The following XAGE2 variants were observed in gnomAD, a reference collection of about 807,000 sequenced individuals.
The protein encoded by XAGE2 is G antigen family D member 3.
Under a neutral mutation model 9.9 loss-of-function variants are expected in XAGE2, and 7 were observed. The observed-to-expected ratio is 0.71, with a 90% CI of 0.40 to 1.32. XAGE2 has a LOEUF of 1.32. Among genes scored for constraint, XAGE2 ranks in the 40% most tolerant of loss-of-function variants. The pLI is 0.01. For missense variants in XAGE2, 85 were observed against 81.0 expected (o/e 1.05, Z -0.19); for synonymous variants, 31 against 26.8 (o/e 1.16, Z -0.48).
intron 2 of XAGE2, 49 bp from the exon 3 acceptor site, chrX:52,370,518 A>G: frequency 9.7e-7 from 1 of 1,033,055 alleles, no homozygotes; most frequent in Admixed American, 2.2e-5. Flanking sequence ...GACATGTATT[A>G]CTAACAAAAC....
At chrX:52,370,537 T>C in intron 2 of XAGE2, 30 bp from the exon 3 acceptor site, 2 of 1,164,882 alleles carry the variant, frequency 1.7e-6, no homozygotes, top group Admixed American at 4.4e-5. Flanking sequence ...ACTTTTTATC[T>C]GCACACATAC....
intron 3 of XAGE2, among the ~76,000 whole-genome samples, chrX:52,370,929 T>C (rs1449749097): frequency 1.8e-5 from 2 of 112,192 alleles, no homozygotes; most frequent in East Asian, 5.6e-4. Flanking sequence ...GATGAAACTG[T>C]TTAATTTGAT....
Position 52,370,635 on chromosome X carries a change from G to A in XAGE2, c.150G>A (p.Gln50=). ...PTKSRNPTPD[Q]KREDDQGAAE... is the part of the protein sequence containing the mutation. ...AAAGTCGGAATCCTACACCTGATCA[G>A]AAGAGAGAAGATGATCAGGGTGCAG... The change falls in exon 3 of 5, where the codon CAG becomes CAA. Residue 50 remains glutamine (Q), a synonymous_variant. Coordinates refer to ENST00000286049, the MANE Select transcript of XAGE2 (RefSeq NM_130777.3). 2.5e-6 allele frequency: 3 copies of A among 1,211,320 alleles called. No individual in the cohort carries two copies. The highest frequency in any genetic ancestry group is 3.4e-6 in the Non-Finnish European group (3 of 895,283).
chrX:52,370,448 A>G (rs1394977202), intron 2 of XAGE2, 119 bp from the exon 3 acceptor site: 3 of 640,038 alleles, frequency 4.7e-6, no homozygotes, highest in Non-Finnish European at 7.9e-6. Context: ...GTGTTGGAGA[A>G]GTGTCTTTAG....
chrX:52,374,770 CT>C (rs1163063746), intron 4 of XAGE2, among the ~76,000 whole-genome samples: 47 of 110,986 alleles, frequency 4.2e-4, no homozygotes, highest in African/African-American at 1.0e-3. Context: ...CTTTCCGTTT[CT>C]TTTTTTTCGT....
intron 1 of XAGE2, 68 bp from the exon 2 acceptor site, chrX:52,369,939 C>A (rs1488362797): frequency 2.8e-6 from 3 of 1,059,814 alleles, no homozygotes; most frequent in Non-Finnish European, 3.9e-6. Context: ...TAACATTTGG[C>A]CATGAAAGTG....
intron 2 of XAGE2, 101 bp from the exon 3 acceptor site, chrX:52,370,466 T>A (rs1299536344): frequency 1.4e-6 from 1 of 724,519 alleles, no homozygotes; most frequent in East Asian, 3.2e-5. Flanking sequence ...TAGACTTACT[T>A]GTGATTAGAA....
rs1921295509 is a variant in XAGE2 at position 52,375,602 on chromosome X, G to A, written c.*11G>A. The A allele has an allele frequency of 5.9e-6, 7 of 1,195,624 alleles. No individual in the cohort carries two copies. The Admixed American group carries it at 1.1e-4, about 19-fold the overall frequency. On this transcript the variant is annotated 3_prime_UTR_variant, in exon 5 of 5. Coordinates refer to ENST00000286049, the MANE Select transcript of XAGE2 (RefSeq NM_130777.3). ...AAATCACAGGTTTAAAGGAAGATAA[G>A]CTGAAACAACACAAACTGTTTTTAT...
chrX:52,372,703 T>C (rs1921222982), intron 4 of XAGE2, 34 bp downstream of exon 4: 2 of 1,200,796 alleles, frequency 1.7e-6, no homozygotes, highest in Non-Finnish European at 1.1e-6. Context: ...AGTTATGTGA[T>C]TTCTATTTTT....
intron 3 of XAGE2, among the ~76,000 whole-genome samples, chrX:52,372,265 C>A (rs1921210301): frequency 9.1e-6 from 1 of 110,403 alleles, no homozygotes; most frequent in African/African-American, 3.3e-5. Flanking sequence ...AAGGCTGAGA[C>A]AGGGGGATAA....
intron 4 of XAGE2, among the ~76,000 whole-genome samples, chrX:52,373,535 C>T (rs1346976921): frequency 6.3e-5 from 7 of 111,332 alleles, no homozygotes; most frequent in East Asian, 5.6e-4. Flanking sequence ...ATGCTTTTTG[C>T]TCTCCTGTCA....
chrX:52,369,809 T>C (rs1347673593), intron 1 of XAGE2, among the ~76,000 whole-genome samples, 198 bp from the exon 2 acceptor site: 1 of 113,045 alleles, frequency 8.8e-6, no homozygotes, highest in Admixed American at 9.3e-5. Context: ...AAGACATTGC[T>C]CTGCTAGATT....
intron 3 of XAGE2, 72 bp downstream of exon 3, chrX:52,370,744 G>A: frequency 6.1e-6 from 6 of 981,714 alleles, no homozygotes; most frequent in Non-Finnish European, 8.6e-6. Context: ...CTTATGCCAT[G>A]ACCAGTAATA....
intron 4 of XAGE2, among the ~76,000 whole-genome samples, chrX:52,373,447 T>A (rs1234903589): frequency 1.1e-4 from 12 of 111,620 alleles, no homozygotes; most frequent in African/African-American, 3.9e-4. Context: ...GACAGTCTAC[T>A]TTCTGTGGCC....
Position 52,372,677 on chromosome X carries a change from A to G in XAGE2, c.313+8A>G. The G allele has an allele frequency of 8.3e-7, 1 of 1,210,344 alleles. No homozygotes were observed. The highest frequency in any genetic ancestry group is 1.1e-6 in the Non-Finnish European group (1 of 894,460). ...TTAAAATGCCAGAAGCAGGTGTGTT[A>G]TTCATTAAGACACAAAGTTATGTGA... On this transcript the variant is annotated splice_region_variant and intron_variant, in intron 4 of 4. Coordinates refer to ENST00000286049, the MANE Select transcript of XAGE2 (RefSeq NM_130777.3).
chrX:52,373,437 G>A (rs1921240232), intron 4 of XAGE2, among the ~76,000 whole-genome samples: 1 of 111,625 alleles, frequency 9.0e-6, no homozygotes, highest in South Asian at 3.9e-4. Context: ...AATGGCAAGA[G>A]ACAGTCTACT....
intron 4 of XAGE2, among the ~76,000 whole-genome samples, chrX:52,374,622 C>T (rs1921269185): frequency 9.0e-6 from 1 of 111,493 alleles, no homozygotes; most frequent in Non-Finnish European, 1.9e-5. Context: ...TAAATATATC[C>T]CAGTAGTACC....
chrX:52,369,994 A>G lies in XAGE2; in HGVS notation c.-8-13A>G. ...TCAAACACACTTTCCCAATCACAGTATTCTGTTTGCAGAGTGAAATATGAG... is the reference window on the plus strand; with the variant it reads ...TCAAACACACTTTCCCAATCACAGTGTTCTGTTTGCAGAGTGAAATATGAG... On this transcript the variant is annotated splice_polypyrimidine_tract_variant and intron_variant, in intron 1 of 4. Transcript: ENST00000286049. The G allele has an allele frequency of 1.7e-6, 2 of 1,208,195 alleles. No individual in the cohort carries two copies. Among genetic ancestry groups the G allele is most frequent in the South Asian group, 1.8e-5 (1 of 56,946 alleles).
rs1454215090 is a variant in XAGE2, at chrX:52,375,531, C to T, written c.314-38C>T. 5.0e-6 allele frequency: 6 copies of T among 1,192,996 alleles called. No individual in the cohort carries two copies. In the African/African-American group the frequency reaches 7.1e-5, roughly 14 times the overall value. Reference sequence around the variant, plus strand: ...ATCTTAATGTGATCTAAATACAGTTCTGCTAGTAATGTTCCACCTGTTATG... The same window carrying T: ...ATCTTAATGTGATCTAAATACAGTTTTGCTAGTAATGTTCCACCTGTTATG... On this transcript the variant is annotated intron_variant, in intron 4 of 4. Coordinates refer to ENST00000286049, the MANE Select transcript of XAGE2 (RefSeq NM_130777.3).
Sources: gnomAD v4.1 joint callset for allele counts (sites outside exome capture counted in the v4.1 genomes callset) on GRCh38, gnomAD v4.1.1 for gene constraint, MANE v1.5 for transcripts, NCBI Gene and HGNC (gene_info 2026-07-23, HGNC 2026-07-21) for gene names.